SIPA1L1: variants seen among roughly 807,000 people sequenced by gnomAD.
The protein encoded by SIPA1L1 is signal-induced proliferation-associated 1-like protein 1.
SIPA1L1 carries 26 observed loss-of-function variants against 162.7 expected under a neutral mutation model. The observed-to-expected ratio is 0.16, with a 90% confidence interval of 0.12 to 0.22. SIPA1L1 has a LOEUF of 0.22. SIPA1L1 is among the 10% of genes least tolerant of loss of function. SIPA1L1 has a pLI of 1.00. For synonymous variants in SIPA1L1, 829 were observed against 837.4 expected (o/e 0.99, Z 0.17); for missense variants, 1,874 against 2,241.0 (o/e 0.84, Z 3.31).
Position 71,739,272 on chromosome 14 carries a change from A to ACTCTGCCCC in SIPA1L1, c.*114_*122dup. ...CTCAGAGCACCTTCCCTGGCTTCCT[A>ACTCTGCCCC]CTCTGCCCCCTTTCGGGGAGTGCAC... On this transcript the variant is annotated 3_prime_UTR_variant, in exon 24 of 24. Transcript: ENST00000381232. 9.4e-7 allele frequency: 1 copy of ACTCTGCCCC among 1,063,110 alleles called. No individual in the cohort carries two copies. The highest frequency in any genetic ancestry group is 1.3e-6 in the Non-Finnish European group (1 of 773,506). 65.9% of individuals were successfully genotyped at this position (1,063,110 alleles called of 1,614,324 possible). A position where few individuals can be genotyped will look rare whatever the true frequency, so the allele number is the denominator to read the frequency against.
chr14:71,676,763 G>A (rs1308993175), intron 12 of SIPA1L1, among the ~76,000 whole-genome samples: 1 of 151,692 alleles, frequency 6.6e-6, no homozygotes, highest in Non-Finnish European at 1.5e-5. Flanking sequence ...TGCTGAGAAT[G>A]ATGGTTTCCA....
intron 12 of SIPA1L1, among the ~76,000 whole-genome samples, chr14:71,675,112 T>A (rs1380246153): frequency 6.6e-6 from 1 of 152,224 alleles, no homozygotes; most frequent in African/African-American, 2.4e-5. Context: ...CTGTGGCTGG[T>A]TCCAAGCTAC....
At chr14:71,523,722 C>T (rs1368626479) in intron 3 of SIPA1L1, among the ~76,000 whole-genome samples, 2 of 152,204 alleles carry the variant, frequency 1.3e-5, no homozygotes, top group Admixed American at 6.5e-5. Context: ...TAAGAAAGAG[C>T]TTGGCCTTCT....
chr14:71,403,534 A>C (rs1399085861), intron 2 of SIPA1L1, among the ~76,000 whole-genome samples: 4 of 138,964 alleles, frequency 2.9e-5, no homozygotes, highest in Non-Finnish European at 6.1e-5. Flanking sequence ...CAGGTGGCAG[A>C]GGTTGCAGTA....
At chr14:71,622,139 A>G (rs1173572102) in intron 6 of SIPA1L1, among the ~76,000 whole-genome samples, 3 of 152,256 alleles carry the variant, frequency 2.0e-5, no homozygotes, top group Non-Finnish European at 4.4e-5. Context: ...AAAAGAAAAC[A>G]TGACAGTGAC....
intron 2 of SIPA1L1, among the ~76,000 whole-genome samples, chr14:71,456,546 A>G (rs969471014): frequency 6.6e-6 from 1 of 152,238 alleles, no homozygotes; most frequent in African/African-American, 2.4e-5. Flanking sequence ...AAAATAGCCC[A>G]GGAATTACAG....
At chr14:71,737,126 G>A (rs931687845) in intron 22 of SIPA1L1, among the ~76,000 whole-genome samples, 15 of 152,184 alleles carry the variant, frequency 9.9e-5, no homozygotes, top group Non-Finnish European at 2.1e-4. Context: ...GAGATTGGAG[G>A]TCATGGTCAC....
intron 7 of SIPA1L1, among the ~76,000 whole-genome samples, chr14:71,626,371 C>A (rs552243794): frequency 6.6e-6 from 1 of 152,062 alleles, no homozygotes; most frequent in African/African-American, 2.4e-5. Flanking sequence ...TAAAGAGCAC[C>A]GGGGGTTAGC....
In SIPA1L1 at chr14:71,607,704, G is replaced by A. The variant is rs1197861822; in HGVS notation, c.1499-11053G>A. 3.3e-5 allele frequency among the ~76,000 whole-genome samples: 5 copies of A among 152,178 alleles called. No individual in the cohort carries two copies. The East Asian group carries it at 5.8e-4, about 18-fold the overall frequency. On this transcript the variant is annotated intron_variant, in intron 5 of 23. Coordinates refer to ENST00000381232, the MANE Select transcript of SIPA1L1 (RefSeq NM_001386936.1). ...GAAGATTTAGAAGGTCCTTGGTTCT[G>A]AGACAGCTTCTAAGACTTTTCAGTT...
At chr14:71,423,819 A>G (rs1595387773) in intron 2 of SIPA1L1, among the ~76,000 whole-genome samples, 1 of 152,242 alleles carries the variant, frequency 6.6e-6, no homozygotes, top group Non-Finnish European at 1.5e-5. Context: ...TAAATTTTAG[A>G]ATTGTTTTTC....
At chr14:71,657,878 A>G (rs2043196227) in intron 8 of SIPA1L1, among the ~76,000 whole-genome samples, 2 of 152,094 alleles carry the variant, frequency 1.3e-5, no homozygotes, top group Non-Finnish European at 2.9e-5. Flanking sequence ...ACAGTAATTC[A>G]TTTACCTGTG....
intron 12 of SIPA1L1, among the ~76,000 whole-genome samples, chr14:71,684,663 G>A (rs1380205723): frequency 1.3e-5 from 2 of 151,884 alleles, no homozygotes; most frequent in East Asian, 1.9e-4. Flanking sequence ...GAAGCTGCTC[G>A]TACACCGTTT....
At chr14:71,504,450 C>G (rs577397208) in intron 2 of SIPA1L1, among the ~76,000 whole-genome samples, 1 of 152,160 alleles carries the variant, frequency 6.6e-6, no homozygotes, top group African/African-American at 2.4e-5. Context: ...TTTCCTCTCT[C>G]TATTCTCTAC....
intron 4 of SIPA1L1, among the ~76,000 whole-genome samples, chr14:71,562,458 G>GATTTACTAATTTTACTA (rs1441998760): frequency 6.6e-6 from 1 of 152,102 alleles, no homozygotes; most frequent in Non-Finnish European, 1.5e-5. Flanking sequence ...ATTATTAACA[G>GATTTACTAATTTTACTA]ATTTACTAAT....
At chr14:71,561,921 T>C (rs1253789100) in intron 4 of SIPA1L1, among the ~76,000 whole-genome samples, 1 of 152,210 alleles carries the variant, frequency 6.6e-6, no homozygotes, top group South Asian at 2.1e-4. Context: ...TTTTTTCCTC[T>C]TGTAAATGGC....
rs374509705 is a variant in SIPA1L1, at chr14:71,724,848, G to A, written c.4614+13G>A. 6.2e-7 allele frequency: 1 copy of A among 1,609,608 alleles called. No homozygotes were observed. The highest frequency in any genetic ancestry group is 8.5e-7 in the Non-Finnish European group (1 of 1,178,052). On this transcript the variant is annotated intron_variant, in intron 19 of 23. Coordinates refer to ENST00000381232, the MANE Select transcript of SIPA1L1 (RefSeq NM_001386936.1). ...GAAGAGTTTTAAGGTACAAGACAGA[G>A]CTCAGGGTAGATGGCAATTAGAAAC...
chr14:71,485,309 C>G (rs2142874992), intron 2 of SIPA1L1, among the ~76,000 whole-genome samples: 1 of 152,344 alleles, frequency 6.6e-6, no homozygotes, highest in South Asian at 2.1e-4. Context: ...CGGACCAGTA[C>G]CAGTCTGTGG....
intron 2 of SIPA1L1, among the ~76,000 whole-genome samples, chr14:71,399,866 G>A (rs546245101): frequency 2.2e-4 from 33 of 152,174 alleles, no homozygotes; most frequent in Non-Finnish European, 4.3e-4. Context: ...TATTACAGGT[G>A]TATACCATGA....
chr14:71,534,072 A>C (rs1380293414), intron 4 of SIPA1L1, among the ~76,000 whole-genome samples: 1 of 151,088 alleles, frequency 6.6e-6, no homozygotes, highest in South Asian at 2.1e-4. Flanking sequence ...AAAAAATAAA[A>C]ATAAAAATAA....
Sources: allele counts gnomAD v4.1 joint callset (sites outside exome capture counted in the v4.1 genomes callset), GRCh38; gene constraint gnomAD v4.1.1; transcripts MANE v1.5; gene names NCBI Gene and HGNC (gene_info 2026-07-23, HGNC 2026-07-21).